CTIF: variants seen among roughly 807,000 people sequenced by gnomAD.
CTIF encodes CBP80/20-dependent translation initiation factor.
CTIF carries 21 observed loss-of-function variants against 66.0 expected under a neutral mutation model. The observed-to-expected ratio is 0.32, with a 90% CI of 0.23 to 0.46. CTIF has a LOEUF of 0.46. Among genes scored for constraint, CTIF ranks in the 20% least tolerant of loss-of-function variants. CTIF has a pLI of 1.00. For missense variants in CTIF, 739 were observed against 812.7 expected, an observed-to-expected ratio of 0.91 and a Z score of 1.10; for synonymous variants, 345 against 326.4, an observed-to-expected ratio of 1.06 and a Z score of -0.62.
At chr18:48,602,848 T>TG (rs1385095566) in intron 1 of CTIF, among the ~76,000 whole-genome samples, 61 of 146,518 alleles carry the variant, frequency 4.2e-4, no homozygotes, top group South Asian at 1.8e-3. Context: ...GATGGATGGA[T>TG]GAATGGATGG....
At chr18:48,842,463 C>G (rs1273125835) in intron 10 of CTIF, among the ~76,000 whole-genome samples, 1 of 152,200 alleles carries the variant, frequency 6.6e-6, no homozygotes, top group African/African-American at 2.4e-5. Flanking sequence ...CTTGAGAGGT[C>G]AGCCGAGCGC....
At chr18:48,806,085 C>T (rs1230763558) in intron 9 of CTIF, among the ~76,000 whole-genome samples, 5 of 152,112 alleles carry the variant, frequency 3.3e-5, no homozygotes, top group South Asian at 4.2e-4. Flanking sequence ...TGAGGAGTCC[C>T]GGGGGCTGTG....
intron 2 of CTIF, among the ~76,000 whole-genome samples, chr18:48,630,986 G>A (rs1406018710): frequency 6.6e-6 from 1 of 152,158 alleles, no homozygotes; most frequent in Non-Finnish European, 1.5e-5. Flanking sequence ...CCGGGCTCTA[G>A]CTTTATGAGA....
intron 6 of CTIF, among the ~76,000 whole-genome samples, chr18:48,702,485 C>G (rs1451777194): frequency 6.6e-6 from 1 of 152,170 alleles, no homozygotes; most frequent in Non-Finnish European, 1.5e-5. Context: ...TAGCTAGCCT[C>G]TGGGATAGTA....
At chr18:48,657,014 G>C (rs912964280) in intron 3 of CTIF, among the ~76,000 whole-genome samples, 5 of 152,238 alleles carry the variant, frequency 3.3e-5, no homozygotes, top group Admixed American at 3.3e-4. Context: ...GCTAGGACGA[G>C]GGGTGAATGG....
At chr18:48,668,927 G>C (rs2091479076) in intron 5 of CTIF, among the ~76,000 whole-genome samples, 1 of 152,106 alleles carries the variant, frequency 6.6e-6, no homozygotes, top group African/African-American at 2.4e-5. Context: ...CCTGTCCAGA[G>C]CCGGGCACAG....
intron 6 of CTIF, among the ~76,000 whole-genome samples, chr18:48,684,325 G>A (rs1378162332): frequency 1.3e-5 from 2 of 152,126 alleles, no homozygotes; most frequent in Non-Finnish European, 2.9e-5. Context: ...ACAGAAAATA[G>A]CAGCTTTCTA....
intron 7 of CTIF, among the ~76,000 whole-genome samples, chr18:48,740,415 G>A (rs1016348163): frequency 3.3e-5 from 5 of 152,132 alleles, no homozygotes; most frequent in Non-Finnish European, 4.4e-5. Flanking sequence ...ACCCTCACTG[G>A]CCATGCACCT....
chr18:48,832,686 A>G (rs2068719185), intron 10 of CTIF, among the ~76,000 whole-genome samples: 1 of 152,218 alleles, frequency 6.6e-6, no homozygotes, highest in East Asian at 1.9e-4. Flanking sequence ...TCTGTAATTA[A>G]GACCTTCTCC....
intron 9 of CTIF, among the ~76,000 whole-genome samples, chr18:48,779,127 T>C (rs1409242676): frequency 6.6e-6 from 1 of 152,126 alleles, no homozygotes; most frequent in East Asian, 1.9e-4. Flanking sequence ...ACGATGGTGT[T>C]AGTATAAACA....
intron 1 of CTIF, among the ~76,000 whole-genome samples, chr18:48,606,927 C>G (rs372989842): frequency 6.6e-6 from 1 of 151,954 alleles, no homozygotes. Context: ...GCACAGGGGC[C>G]GGCACATACT....
intron 5 of CTIF, among the ~76,000 whole-genome samples, chr18:48,670,186 G>A (rs2091505894): frequency 6.6e-6 from 1 of 152,078 alleles, no homozygotes; most frequent in Admixed American, 6.5e-5. Flanking sequence ...CACTCACAGA[G>A]GACATGAAGA....
At position 48,610,334 on chromosome 18, in the gene CTIF, CAG is replaced by C. The variant is rs1013064776; in HGVS notation, c.-28-9203_-28-9202del. On this transcript the variant is annotated intron_variant, in intron 1 of 11. Coordinates refer to ENST00000256413, the MANE Select transcript of CTIF (RefSeq NM_014772.3). ...TGGGCTTTGGGGGCAGACCTGGAAACAGGGGCACCCAGGGATAAAGCAGGACC... is the reference window on the plus strand; with the variant it reads ...TGGGCTTTGGGGGCAGACCTGGAAACGGGCACCCAGGGATAAAGCAGGACC... 1.4e-3 allele frequency among the ~76,000 whole-genome samples: 209 copies of C among 151,958 alleles called. 1 individual carries two copies. The highest frequency in any genetic ancestry group is 4.8e-3 in the African/African-American group (197 of 41,438).
intron 1 of CTIF, among the ~76,000 whole-genome samples, chr18:48,540,980 C>T (rs1334076242): frequency 6.6e-6 from 1 of 152,156 alleles, no homozygotes; most frequent in Non-Finnish European, 1.5e-5. Flanking sequence ...CAGCCCCTCC[C>T]TCCGCGTCCG....
chr18:48,621,522 T>A (rs572945017), intron 2 of CTIF: 5 of 362,274 alleles, frequency 1.4e-5, no homozygotes, highest in African/African-American at 6.8e-5. Flanking sequence ...AGAAAGAATG[T>A]GAGGAGAAGT....
intron 9 of CTIF, among the ~76,000 whole-genome samples, chr18:48,773,450 G>A (rs947792029): frequency 9.9e-5 from 15 of 152,206 alleles, no homozygotes; most frequent in Non-Finnish European, 1.5e-5. Context: ...CCTGGCACAT[G>A]GAACTGTGGC....
intron 11 of CTIF, among the ~76,000 whole-genome samples, chr18:48,858,912 C>A (rs1330379091): frequency 6.6e-6 from 1 of 152,178 alleles, no homozygotes; most frequent in African/African-American, 2.4e-5. Flanking sequence ...GTAATAATGA[C>A]TAAGCTCATT....
chr18:48,720,603 A>T (rs1210425028), intron 7 of CTIF, among the ~76,000 whole-genome samples: 2 of 152,092 alleles, frequency 1.3e-5, no homozygotes. Flanking sequence ...GTCAGATAAG[A>T]ATTATTTTTA....
At chr18:48,566,070 C>T (rs1278489485) in intron 1 of CTIF, 1 of 152,236 alleles carries the variant, frequency 6.6e-6, no homozygotes, top group African/African-American at 2.4e-5. Flanking sequence ...TCTTAACAGG[C>T]AACAAGTTCT....
Sources: allele counts gnomAD v4.1 joint callset (sites outside exome capture counted in the v4.1 genomes callset), GRCh38; gene constraint gnomAD v4.1.1; transcripts MANE v1.5; gene names NCBI Gene and HGNC (gene_info 2026-07-23, HGNC 2026-07-21).